Variants in INPP5K observed in about 807,000 individuals in gnomAD.
INPP5K encodes the protein inositol polyphosphate-5-phosphatase K, also known as inositol polyphosphate 5-phosphatase K.
A neutral mutation model predicts 53.5 loss-of-function variants in INPP5K; 35 were observed. The observed-to-expected ratio is 0.65, with a 90% CI of 0.50 to 0.87. The LOEUF (loss-of-function observed/expected upper bound fraction) is 0.87, where lower values mean the gene tolerates loss of function less well. Among genes scored for constraint, INPP5K ranks in the 40% least tolerant of loss-of-function variants. The probability of loss-of-function intolerance (pLI) is 0.00; values close to 1 mark genes in which losing one functional copy is unlikely to be tolerated. For missense variants in INPP5K, 550 were observed against 586.2 expected (o/e 0.94, Z 0.64); for synonymous variants, 253 against 232.8 (o/e 1.09, Z -0.79).
intron 3 of INPP5K, among the ~76,000 whole-genome samples, chr17:1,510,236 A>G (rs2150990706): frequency 6.6e-6 from 1 of 151,588 alleles, no homozygotes; most frequent in East Asian, 1.9e-4. Flanking sequence ...TTTTTTTTTG[A>G]GACGGAGTCT....
chr17:1,508,475 T>G, intron 5 of INPP5K: 1 of 485,972 alleles, frequency 2.1e-6, no homozygotes, highest in Non-Finnish European at 3.7e-6. Flanking sequence ...CCTTCCTTCC[T>G]CTCCTTAACT....
rs184824080 is a variant in INPP5K at position 1,495,492 on chromosome 17, T to G, written c.*331A>C. The G allele has an allele frequency of 5.9e-5, 18 of 306,002 alleles. No homozygotes were observed. The East Asian group carries it at 1.5e-3, about 25-fold the overall frequency. 19.0% of individuals were successfully genotyped at this position (306,002 alleles called of 1,614,324 possible). A position where few individuals can be genotyped will look rare whatever the true frequency, so the allele number is the denominator to read the frequency against. On this transcript the variant is annotated 3_prime_UTR_variant, in exon 12 of 12. Coordinates refer to ENST00000421807, the MANE Select transcript of INPP5K (RefSeq NM_016532.4). ...ATGCAGGCCTGTGCCAAATGGGGCA[T>G]GTGCCTGGCAGGACTACTTGGGCAA...
chr17:1,507,194 A>G (rs2075179742), intron 6 of INPP5K, 105 bp from the exon 7 acceptor site: 1 of 793,144 alleles, frequency 1.3e-6, no homozygotes, highest in Non-Finnish European at 2.1e-6. Context: ...ATGGGGCAAG[A>G]GTCAAGCAAT....
chr17:1,504,724 C>A (rs1201371274), intron 7 of INPP5K, among the ~76,000 whole-genome samples: 2 of 152,236 alleles, frequency 1.3e-5, no homozygotes, highest in Admixed American at 6.5e-5. Flanking sequence ...CTGATACAGG[C>A]AAAGCCTTGG....
chr17:1,506,691 T>A (rs1466426134), intron 7 of INPP5K, among the ~76,000 whole-genome samples: 1 of 152,074 alleles, frequency 6.6e-6, no homozygotes, highest in East Asian at 1.9e-4. Context: ...CCCTCCTAGG[T>A]CAGGAGGCAG....
intron 1 of INPP5K, chr17:1,515,740 T>A: frequency 1.7e-6 from 1 of 602,526 alleles, no homozygotes; most frequent in Non-Finnish European, 2.1e-6. Context: ...CCCTCCCTGT[T>A]AGCATAAACA....
intron 3 of INPP5K, 29 bp from the exon 4 acceptor site, chr17:1,509,828 C>G (rs2075265261): frequency 7.1e-7 from 1 of 1,413,502 alleles, no homozygotes; most frequent in Non-Finnish European, 1.0e-6. Flanking sequence ...AAAGGTCGCT[C>G]ATTAAACCAC....
intron 6 of INPP5K, 54 bp from the exon 7 acceptor site, chr17:1,507,143 G>A: frequency 7.4e-7 from 1 of 1,347,106 alleles, no homozygotes. Flanking sequence ...CAGTGGCCCA[G>A]TACCACACTC....
chr17:1,499,751 G>T (rs994354231), intron 7 of INPP5K, among the ~76,000 whole-genome samples: 3 of 152,196 alleles, frequency 2.0e-5, no homozygotes, highest in African/African-American at 7.2e-5. Flanking sequence ...TGGGGTGTGT[G>T]TGTGGCGGGG....
intron 7 of INPP5K, among the ~76,000 whole-genome samples, chr17:1,498,992 G>C (rs1031872821): frequency 6.6e-6 from 1 of 152,144 alleles, no homozygotes; most frequent in African/African-American, 2.4e-5. Context: ...GTGGAGCCAG[G>C]ATTCAGGGCC....
chr17:1,515,831 G>C lies in INPP5K; in HGVS notation c.44+625C>G, dbSNP rs901852905. ...TGTTTACGATCTCCCCCTGCTGTCCGACAGAGGCTTAAGGAACAAAGACCT... is the reference window on the plus strand; with the variant it reads ...TGTTTACGATCTCCCCCTGCTGTCCCACAGAGGCTTAAGGAACAAAGACCT... On this transcript the variant is annotated intron_variant, in intron 1 of 11. Coordinates refer to ENST00000421807, the MANE Select transcript of INPP5K (RefSeq NM_016532.4). 13 of 870,846 alleles carry C rather than the reference G, an allele frequency of 1.5e-5. No individual in the cohort carries two copies. The African/African-American group carries it at 2.4e-4, about 16-fold the overall frequency. The allele number at this position is 870,846 out of a possible 1,614,324, so 53.9% of individuals were successfully genotyped here. A position where few individuals can be genotyped will look rare whatever the true frequency, so the allele number is the denominator to read the frequency against.
chr17:1,501,288 C>T (rs571155946), intron 7 of INPP5K, among the ~76,000 whole-genome samples: 16 of 152,304 alleles, frequency 1.1e-4, no homozygotes, highest in Admixed American at 8.5e-4. Context: ...TAAATGTTCC[C>T]AATGTACTGG....
chr17:1,508,397 A>C (rs1380548188), intron 5 of INPP5K, 171 bp from the exon 6 acceptor site: 1 of 619,324 alleles, frequency 1.6e-6, no homozygotes, highest in Admixed American at 2.8e-5. Context: ...CATGGCTCCT[A>C]AACCACCATT....
In INPP5K at chr17:1,509,624, C is replaced by T. The variant is rs189788427; in HGVS notation, c.378+59G>A. On this transcript the variant is annotated intron_variant, in intron 4 of 11. Transcript: ENST00000421807. ...CCTTTCACTTCCTTTTTCTTTTGCCCAGCTCCACAGTTCCCAGCCCTTCCC... is the reference window on the plus strand; with the variant it reads ...CCTTTCACTTCCTTTTTCTTTTGCCTAGCTCCACAGTTCCCAGCCCTTCCC... 2.0e-3 allele frequency: 2,257 copies of T among 1,149,696 alleles called. 7 individuals carry two copies. The highest frequency in any genetic ancestry group is 2.7e-3 in the Non-Finnish European group (2,074 of 759,956). The allele number at this position is 1,149,696 out of a possible 1,614,324, so 71.2% of individuals were successfully genotyped here.
intron 7 of INPP5K, 137 bp from the exon 8 acceptor site, chr17:1,498,259 A>G: frequency 1.5e-6 from 1 of 678,604 alleles, no homozygotes; most frequent in Non-Finnish European, 2.5e-6. Flanking sequence ...CCGGGGCCAG[A>G]GCCGGAGGGA....
chr17:1,500,944 T>C (rs528313013), intron 7 of INPP5K, among the ~76,000 whole-genome samples: 2 of 151,586 alleles, frequency 1.3e-5, no homozygotes, highest in Non-Finnish European at 2.9e-5. Context: ...TTTGTCTCCT[T>C]CTTTATTCAA....
intron 7 of INPP5K, among the ~76,000 whole-genome samples, chr17:1,500,324 C>T (rs567601322): frequency 6.6e-6 from 1 of 152,218 alleles, no homozygotes; most frequent in South Asian, 2.1e-4. Context: ...CAGGGAGAGG[C>T]CTTTGCCGAA....
intron 5 of INPP5K, 116 bp from the exon 6 acceptor site, chr17:1,508,342 G>T: frequency 2.5e-6 from 2 of 790,942 alleles, no homozygotes; most frequent in Non-Finnish European, 4.5e-6. Context: ...AACCTGAGGG[G>T]CAAGTGAGAC....
intron 7 of INPP5K, 113 bp downstream of exon 7, chr17:1,506,867 G>T (rs2075169251): frequency 2.8e-6 from 2 of 724,786 alleles, no homozygotes; most frequent in Non-Finnish European, 4.7e-6. Context: ...GAGAGGGGAT[G>T]ACTAGACCAA....
Sources: allele counts gnomAD v4.1 joint callset (sites outside exome capture counted in the v4.1 genomes callset), GRCh38; gene constraint gnomAD v4.1.1; transcripts MANE v1.5; gene names NCBI Gene and HGNC (gene_info 2026-07-23, HGNC 2026-07-21).